The following UFL1 variants were observed in gnomAD, a reference collection of about 807,000 sequenced individuals.
UFL1 encodes UFM1 specific ligase 1, also known as E3 UFM1-protein ligase 1.
UFL1 carries 78 observed loss-of-function variants against 99.3 expected under a neutral mutation model. The observed-to-expected ratio is 0.79, with a 90% CI of 0.65 to 0.95. The LOEUF (loss-of-function observed/expected upper bound fraction) is 0.95. Ranked by LOEUF, UFL1 falls within the 40% of genes least tolerant of loss-of-function variation. The pLI is 0.00. For synonymous variants in UFL1, 335 were observed against 322.2 expected (o/e 1.04, Z -0.42); for missense variants, 936 against 937.0 (o/e 1.00, Z 0.01).
intron 6 of UFL1, among the ~76,000 whole-genome samples, chr6:96,532,342 G>T (rs1425243263): frequency 2.0e-5 from 3 of 152,180 alleles, no homozygotes; most frequent in Non-Finnish European, 4.4e-5. Context: ...CAATTATAAG[G>T]TAAACAAAGG....
rs1262185703 is a variant in UFL1, at chr6:96,551,493, C to T, written c.1879C>T (p.His627Tyr). The T allele has an allele frequency of 3.3e-6, 5 of 1,530,142 alleles. No homozygotes were observed. In the African/African-American group the frequency reaches 5.7e-5, roughly 18 times the overall value. The allele number at this position is 1,530,142 out of a possible 1,614,324, so 94.8% of individuals were successfully genotyped here. A position where few individuals can be genotyped will look rare whatever the true frequency, so the allele number is the denominator to read the frequency against. ...EETKVALTKL[H>Y]NSLNEKSIED... ...AACCAAAGTAGCTCTTACAAAACTC[C>T]ATAACTCTCTGAATGAAAAGGTAAG... The change falls in exon 16 of 19, where the codon CAT becomes TAT. Residue 627 changes from histidine (H) to tyrosine (Y), a missense_variant. Transcript: ENST00000369278.
rs1343006142 is a variant in UFL1, at chr6:96,537,418, T to C, written c.847T>C (p.Tyr283His). The C allele has an allele frequency of 6.2e-7, 1 of 1,601,708 alleles. No homozygotes were observed. The change falls in exon 9 of 19, where the codon TAC (tyrosine) becomes CAC (histidine). Residue 283 changes from tyrosine to histidine, a missense_variant. Physicochemically the swap from Tyr to His is moderately conservative, Grantham distance 83 (BLOSUM62 2). Transcript: ENST00000369278. ...ACTTGGAATCCCAGATGCTGTAAGC[T>C]ACATAAAGAAAAGATATAAGACTAC... ...SRLGIPDAVS[Y>H]IKKRYKTTQL...
At position 96,524,339 on chromosome 6, in the gene UFL1, A is replaced by G. The variant is rs1158038905; in HGVS notation, c.224-43A>G. Reference sequence around the variant, plus strand: ...AATTTATAGCTTTGGGTTGGTATGTACGCATAGATCATTTAAAATAAATGA... The same window carrying G: ...AATTTATAGCTTTGGGTTGGTATGTGCGCATAGATCATTTAAAATAAATGA... On this transcript the variant is annotated intron_variant, in intron 2 of 18. Transcript: ENST00000369278. The G allele has an allele frequency of 4.5e-6, 7 of 1,561,056 alleles. No homozygotes were observed. The East Asian group carries it at 6.9e-5, about 15-fold the overall frequency.
rs1278357058 is a variant in UFL1, at chr6:96,549,764, A to T, written c.1783A>T (p.Met595Leu). The change falls in exon 15 of 19, where the codon ATG becomes TTG. Residue 595 changes from methionine to leucine, a missense_variant. By Grantham distance (15) the Met-to-Leu change is conservative. Transcript: ENST00000369278. ...IFNFLASDLM[M>L]AVDDPAAITS... ...CAACTTCTTAGCTTCGGATTTAATG[A>T]TGGCAGTAGACGATCCTGCAGCCAT... The T allele has an allele frequency of 6.2e-7, 1 of 1,612,084 alleles. No individual in the cohort carries two copies.
Position 96,549,441 on chromosome 6 carries a change from T to TA in UFL1, c.1551dup (p.Arg518ThrfsTer33). On this transcript the variant is annotated frameshift_variant, in exon 14 of 19. Transcript: ENST00000369278. LOFTEE classifies it high-confidence loss of function. ...CTTAATAAAACTTATCTCGAGGTGG[T>TA]ACGTTCAGTATTCATGTCTTCAACA... 6.3e-7 allele frequency: 1 copy of TA among 1,597,344 alleles called. No homozygotes were observed. Among genetic ancestry groups the TA allele is most frequent in the Admixed American group, 1.8e-5 (1 of 55,064 alleles).
At chr6:96,553,239 C>G in intron 18 of UFL1, 46 bp from the exon 19 acceptor site, 1 of 1,555,668 alleles carries the variant, frequency 6.4e-7, no homozygotes, top group Non-Finnish European at 8.8e-7. Context: ...ATCTGTTCCA[C>G]AAAAAGATAA....
intron 15 of UFL1, 52 bp downstream of exon 15, chr6:96,549,851 A>G: frequency 1.3e-6 from 2 of 1,578,012 alleles, no homozygotes; most frequent in South Asian, 1.2e-5. Flanking sequence ...TTGCATCTAT[A>G]CACATTTTAT....
chr6:96,529,289 A>G lies in UFL1; in HGVS notation c.596+657A>G, dbSNP rs550516278. 1.1e-4 allele frequency among the ~76,000 whole-genome samples: 17 copies of G among 152,246 alleles called. No homozygotes were observed. In the South Asian group the frequency reaches 3.3e-3, roughly 30 times the overall value. On this transcript the variant is annotated intron_variant, in intron 6 of 18. Transcript: ENST00000369278. ...CTATATGCCCTATCAGCATTTAAAT[A>G]TGTCCAAAAGTCTCCCATTTTAAAA...
intron 11 of UFL1, among the ~76,000 whole-genome samples, chr6:96,542,203 G>A (rs1769940097): frequency 6.6e-6 from 1 of 151,204 alleles, no homozygotes; most frequent in Admixed American, 6.6e-5. Flanking sequence ...TTTATTTACA[G>A]TGTTTGCATT....
chr6:96,542,814 A>G, intron 11 of UFL1, 80 bp from the exon 12 acceptor site: 1 of 1,302,486 alleles, frequency 7.7e-7, no homozygotes, highest in Non-Finnish European at 9.9e-7. Context: ...TGTAAAGTTA[A>G]ATACAACAAT....
chr6:96,543,271 C>A (rs929815067), intron 12 of UFL1, among the ~76,000 whole-genome samples: 1 of 151,130 alleles, frequency 6.6e-6, no homozygotes, highest in East Asian at 1.9e-4. Flanking sequence ...CTTCAGTCCA[C>A]AAATCAGTAC....
intron 15 of UFL1, 98 bp downstream of exon 15, chr6:96,549,897 C>T: frequency 6.7e-7 from 1 of 1,482,126 alleles, no homozygotes; most frequent in Non-Finnish European, 9.0e-7. Flanking sequence ...AAATAAAATA[C>T]AGTGAAAGAG....
chr6:96,552,333 G>A, intron 17 of UFL1, 149 bp from the exon 18 acceptor site: 1 of 784,020 alleles, frequency 1.3e-6, no homozygotes, highest in East Asian at 2.8e-5. Flanking sequence ...GGTTTTATGT[G>A]TGTATATCCC....
chr6:96,549,608 T>C, intron 14 of UFL1, 30 bp downstream of exon 14: 1 of 1,588,784 alleles, frequency 6.3e-7, no homozygotes, highest in Non-Finnish European at 8.5e-7. Context: ...ATCTTGTTTT[T>C]TCATTGATTT....
At chr6:96,529,702 G>A (rs891402990) in intron 6 of UFL1, among the ~76,000 whole-genome samples, 10 of 152,046 alleles carry the variant, frequency 6.6e-5, no homozygotes, top group African/African-American at 2.2e-4. Flanking sequence ...CCAGTTCTGT[G>A]CTGTCATCTT....
chr6:96,528,604 A>G lies in UFL1; in HGVS notation c.568A>G (p.Ile190Val), dbSNP rs781520117. 6 of 1,613,740 alleles carry G rather than the reference A, an allele frequency of 3.7e-6. No homozygotes were observed. The African/African-American group carries it at 4.0e-5, about 11-fold the overall frequency. The change falls in exon 6 of 19, where the codon ATC becomes GTC. Residue 190 changes from isoleucine (I) to valine (V), a missense_variant. Coordinates refer to ENST00000369278, the MANE Select transcript of UFL1 (RefSeq NM_015323.5). ...EAFVARHKAR[I>V]RGLFSAITRP... is the part of the protein sequence containing the mutation. ...TTTTGTAGCTCGACATAAAGCACGT[A>G]TCCGTGGACTATTCAGTGCTATTAC...
chr6:96,529,353 A>G (rs985142977), intron 6 of UFL1, among the ~76,000 whole-genome samples: 2 of 152,140 alleles, frequency 1.3e-5, no homozygotes, highest in Non-Finnish European at 2.9e-5. Flanking sequence ...ATCATCTATC[A>G]TGCTGTTTGT....
rs1459110741 is a variant in UFL1, at chr6:96,551,890, T to C, written c.1952T>C (p.Ile651Thr). 2.5e-6 allele frequency: 4 copies of C among 1,610,014 alleles called. No individual in the cohort carries two copies. Among genetic ancestry groups the C allele is most frequent in the East Asian group, 4.5e-5 (2 of 44,712 alleles). The change falls in exon 17 of 19, where the codon ATT becomes ACT. Residue 651 changes from isoleucine to threonine, a missense_variant. Physicochemically the swap from Ile to Thr is moderately conservative, Grantham distance 89. Transcript: ENST00000369278. The stretch of plus-strand genomic sequence containing the variant: ...GATTCTGCAGCAGAAGCTTGTGATA[T>C]TATGGTGAAAAGGGGAGACAAAAAA... ...CLDSAAEACD[I>T]MVKRGDKKRE...
rs775278032 is a variant in UFL1, at chr6:96,528,542, T to C, written c.506T>C (p.Ile169Thr). Residue 169 changes from isoleucine (I) to threonine (T), a missense_variant, in exon 6 of 19, where the codon ATT (isoleucine) becomes ACT (threonine). By Grantham distance (89) the Ile-to-Thr change is moderately conservative. Transcript: ENST00000369278. ...CTTGGTAGAATTATCAGTGGACATATTGATCTTGATAATAGAGGAGTAATT... is the reference window on the plus strand; with the variant it reads ...CTTGGTAGAATTATCAGTGGACATACTGATCTTGATAATAGAGGAGTAATT... ...QRLGRIISGHIDLDNRGVIFT... is the reference protein window; with the variant it reads ...QRLGRIISGHTDLDNRGVIFT... 13 of 1,613,762 alleles carry C rather than the reference T, an allele frequency of 8.1e-6. No individual in the cohort carries two copies. The Admixed American group carries it at 1.0e-4, about 12-fold the overall frequency.
Sources: gnomAD v4.1 joint callset for allele counts (sites outside exome capture counted in the v4.1 genomes callset) on GRCh38, gnomAD v4.1.1 for gene constraint, MANE v1.5 for transcripts, NCBI Gene and HGNC (gene_info 2026-07-23, HGNC 2026-07-21) for gene names.